The following CHIC1 variants were observed in gnomAD, a reference collection of about 807,000 sequenced individuals.
The protein encoded by CHIC1 is cysteine-rich hydrophobic domain-containing protein 1.
A neutral mutation model predicts 18.5 loss-of-function variants in CHIC1; 7 were observed. The observed-to-expected ratio is 0.38, with a 90% CI of 0.22 to 0.71. The LOEUF is 0.71. CHIC1 is among the 30% of genes least tolerant of loss of function. The pLI is 0.49. For synonymous variants in CHIC1, 77 were observed against 73.5 expected, an observed-to-expected ratio of 1.05 and a Z score of -0.25; for missense variants, 159 against 176.9, an observed-to-expected ratio of 0.90 and a Z score of 0.57.
At chrX:73,622,844 A>G (rs1367628520) in intron 3 of CHIC1, among the ~76,000 whole-genome samples, 2 of 112,208 alleles carry the variant, frequency 1.8e-5, no homozygotes, top group East Asian at 5.6e-4. Context: ...ATTTCCCTCC[A>G]AACACTGCTT....
In CHIC1 at chrX:73,672,187, G is replaced by A. The variant is rs1414779130; in HGVS notation, c.508-7139G>A. Among the ~76,000 whole-genome samples the A allele has an allele frequency of 1.2e-4, 13 of 111,868 alleles. No individual in the cohort carries two copies. In the South Asian group the frequency reaches 4.5e-3, roughly 39 times the overall value. On this transcript the variant is annotated intron_variant, in intron 3 of 5. Coordinates refer to ENST00000373502, the MANE Select transcript of CHIC1 (RefSeq NM_001039840.4). Reference sequence around the variant, plus strand: ...CTATTGTTGTTGGACATTTGGGTTGGTTCCAAGTCTTTGCTATTGTGAATA... The same window carrying A: ...CTATTGTTGTTGGACATTTGGGTTGATTCCAAGTCTTTGCTATTGTGAATA...
intron 1 of CHIC1, among the ~76,000 whole-genome samples, chrX:73,571,044 A>G (rs2057468406): frequency 9.0e-6 from 1 of 111,431 alleles, no homozygotes; most frequent in Non-Finnish European, 1.9e-5. Flanking sequence ...GAAAGGAGAT[A>G]TTAGGGAAAT....
intron 1 of CHIC1, among the ~76,000 whole-genome samples, chrX:73,575,462 G>A (rs1049364619): frequency 2.8e-4 from 31 of 109,959 alleles, no homozygotes; most frequent in African/African-American, 9.2e-4. Context: ...AAACCTAGAT[G>A]GTATAGCCTA....
At chrX:73,643,145 A>G (rs931502581) in intron 3 of CHIC1, among the ~76,000 whole-genome samples, 2 of 111,764 alleles carry the variant, frequency 1.8e-5, no homozygotes, top group Non-Finnish European at 3.8e-5. Flanking sequence ...TTGGCTGGAT[A>G]TGAAATTCTG....
intron 3 of CHIC1, among the ~76,000 whole-genome samples, chrX:73,590,223 G>A (rs1038797016): frequency 9.1e-6 from 1 of 109,748 alleles, no homozygotes; most frequent in African/African-American, 3.3e-5. Flanking sequence ...ACATAAGCTG[G>A]GTCTGCAGGC....
chrX:73,584,530 A>G lies in CHIC1; in HGVS notation c.465A>G (p.Thr155=), dbSNP rs2057543912. ...GTGGTTGTCTCTGCTGCTGTTGCAC[A>G]CTGGGTTGCAGCCTATGGCCTGTTA... ...LLCGCLCCCC[T]LGCSLWPVIC... The change falls in exon 3 of 6, where the codon ACA becomes ACG. Residue 155 remains threonine (T), a synonymous_variant. Coordinates refer to ENST00000373502, the MANE Select transcript of CHIC1 (RefSeq NM_001039840.4). The G allele has an allele frequency of 8.6e-7, 1 of 1,163,254 alleles. No individual in the cohort carries two copies. The highest frequency in any genetic ancestry group is 1.8e-5 in the African/African-American group (1 of 55,445).
At chrX:73,598,614 G>A (rs1159638877) in intron 3 of CHIC1, among the ~76,000 whole-genome samples, 3 of 107,866 alleles carry the variant, frequency 2.8e-5, no homozygotes, top group African/African-American at 1.0e-4. Flanking sequence ...AGTTTACTGA[G>A]AATGATGCTT....
At chrX:73,583,894 T>C (rs1252926066) in intron 2 of CHIC1, among the ~76,000 whole-genome samples, 2 of 111,882 alleles carry the variant, frequency 1.8e-5, no homozygotes, top group Non-Finnish European at 3.8e-5. Flanking sequence ...TTAGTGTAAC[T>C]AACAGTGGCT....
chrX:73,634,928 C>T (rs969517574), intron 3 of CHIC1, among the ~76,000 whole-genome samples: 2 of 111,088 alleles, frequency 1.8e-5, no homozygotes, highest in Admixed American at 1.9e-4. Context: ...GTAGTTTTTA[C>T]CCTCTTTAAT....
chrX:73,672,231 G>A (rs1166570512), intron 3 of CHIC1, among the ~76,000 whole-genome samples: 3 of 111,744 alleles, frequency 2.7e-5, no homozygotes, highest in African/African-American at 9.8e-5. Flanking sequence ...ATAAACATAC[G>A]TGTGCATGTG....
intron 3 of CHIC1, among the ~76,000 whole-genome samples, chrX:73,615,435 C>T (rs888175921): frequency 9.0e-6 from 1 of 111,536 alleles, no homozygotes; most frequent in African/African-American, 3.3e-5. Context: ...AGTGGCAGGA[C>T]AACCCTCTGG....
At chrX:73,615,886 G>T (rs910353540) in intron 3 of CHIC1, among the ~76,000 whole-genome samples, 1 of 111,156 alleles carries the variant, frequency 9.0e-6, no homozygotes, top group Non-Finnish European at 1.9e-5. Context: ...CATGTGTTTT[G>T]CTTGTGCTTT....
At chrX:73,636,276 ATG>A (rs892858825) in intron 3 of CHIC1, among the ~76,000 whole-genome samples, 5 of 111,016 alleles carry the variant, frequency 4.5e-5, no homozygotes, top group African/African-American at 1.6e-4. Context: ...GCATTTCTTT[ATG>A]TGTTATATTT....
intron 3 of CHIC1, among the ~76,000 whole-genome samples, chrX:73,670,444 T>G (rs1201095893): frequency 9.0e-6 from 1 of 110,836 alleles, no homozygotes; most frequent in East Asian, 2.8e-4. Flanking sequence ...ACCAACTTTT[T>G]CTTTCATTTA....
At chrX:73,668,744 A>G (rs967254649) in intron 3 of CHIC1, among the ~76,000 whole-genome samples, 11 of 111,946 alleles carry the variant, frequency 9.8e-5, no homozygotes, top group Non-Finnish European at 2.1e-4. Flanking sequence ...CCAGGGCAGT[A>G]CTGACCTTTT....
intron 1 of CHIC1, among the ~76,000 whole-genome samples, chrX:73,570,078 G>A (rs764766185): frequency 1.8e-5 from 2 of 111,875 alleles, no homozygotes; most frequent in East Asian, 5.7e-4. Flanking sequence ...CAAAGTATAG[G>A]CTTTGCTTTA....
intron 3 of CHIC1, among the ~76,000 whole-genome samples, chrX:73,651,233 C>T (rs2057914776): frequency 9.0e-6 from 1 of 111,512 alleles, no homozygotes; most frequent in Non-Finnish European, 1.9e-5. Flanking sequence ...CTAACATTCA[C>T]ATTCTTCACA....
chrX:73,643,717 A>G (rs2057871524), intron 3 of CHIC1, among the ~76,000 whole-genome samples: 1 of 111,984 alleles, frequency 8.9e-6, no homozygotes, highest in Non-Finnish European at 1.9e-5. Flanking sequence ...TTTCAGCTCC[A>G]TCAACTCCTT....
intron 1 of CHIC1, among the ~76,000 whole-genome samples, chrX:73,567,411 C>T (rs1231365993): frequency 1.8e-5 from 2 of 111,088 alleles, no homozygotes; most frequent in Admixed American, 9.6e-5. Flanking sequence ...CCACCTATCC[C>T]ATTAAAGCAT....
Sources: gnomAD v4.1 joint callset for allele counts (sites outside exome capture counted in the v4.1 genomes callset) on GRCh38, gnomAD v4.1.1 for gene constraint, MANE v1.5 for transcripts, NCBI Gene and HGNC (gene_info 2026-07-23, HGNC 2026-07-21) for gene names.